Variants in SOX6 observed in about 807,000 individuals in gnomAD.
SOX6 encodes the protein SRY-box transcription factor 6.
A neutral mutation model predicts 97.8 loss-of-function variants in SOX6; 11 were observed. That is an observed-to-expected ratio of 0.11 (90% CI 0.07 to 0.19). SOX6 has a LOEUF of 0.19. Ranked by LOEUF, SOX6 falls within the 10% of genes least tolerant of loss-of-function variation. SOX6 has a pLI of 1.00. For missense variants in SOX6, 810 were observed against 1,039.5 expected (o/e 0.78, Z 3.04); for synonymous variants, 360 against 371.4 (o/e 0.97, Z 0.35).
intron 9 of SOX6, among the ~76,000 whole-genome samples, chr11:16,072,393 A>G (rs1433188757): frequency 6.6e-6 from 1 of 152,162 alleles, no homozygotes; most frequent in East Asian, 1.9e-4. Context: ...GACAAAAACA[A>G]AAAAATAAAT....
intron 6 of SOX6, among the ~76,000 whole-genome samples, chr11:16,145,524 T>G (rs1850268407): frequency 6.6e-6 from 1 of 152,082 alleles, no homozygotes; most frequent in Non-Finnish European, 1.5e-5. Context: ...GAGAAAGAAA[T>G]AAAGGGTATT....
chr11:16,532,744 G>T (rs902268213), intron 4 of SOX6, among the ~76,000 whole-genome samples: 3 of 151,810 alleles, frequency 2.0e-5, no homozygotes. Flanking sequence ...TAATGGCAAG[G>T]TTCAAAAATA....
At chr11:16,491,611 C>A (rs1860511678) in intron 4 of SOX6, among the ~76,000 whole-genome samples, 1 of 151,926 alleles carries the variant, frequency 6.6e-6, no homozygotes, top group African/African-American at 2.4e-5. Context: ...ACAAGAAAAT[C>A]TTGAGCACAA....
intron 12 of SOX6, among the ~76,000 whole-genome samples, chr11:16,020,789 A>G (rs1174583428): frequency 6.6e-6 from 1 of 152,150 alleles, no homozygotes; most frequent in Non-Finnish European, 1.5e-5. Flanking sequence ...CATGTGCACC[A>G]CCAAGTCTCC....
chr11:16,681,050 C>A (rs1427344567), intron 3 of SOX6, among the ~76,000 whole-genome samples: 1 of 152,096 alleles, frequency 6.6e-6, no homozygotes, highest in Non-Finnish European at 1.5e-5. Context: ...GACAGATTAA[C>A]AAGACAGAAG....
intron 1 of SOX6, among the ~76,000 whole-genome samples, chr11:16,378,908 T>C (rs1342593699): frequency 1.3e-5 from 2 of 152,140 alleles, no homozygotes; most frequent in Non-Finnish European, 2.9e-5. Flanking sequence ...TAGAATAATG[T>C]ACAATACTTT....
intron 3 of SOX6, among the ~76,000 whole-genome samples, chr11:16,298,694 T>A (rs964582497): frequency 1.3e-5 from 2 of 152,130 alleles, no homozygotes; most frequent in African/African-American, 4.8e-5. Context: ...AACTCTTATA[T>A]AAAGAATTAG....
At chr11:16,302,965 G>T (rs555306408) in intron 3 of SOX6, among the ~76,000 whole-genome samples, 10 of 146,570 alleles carry the variant, frequency 6.8e-5, no homozygotes, top group African/African-American at 2.4e-4. Context: ...ACTAAATTAT[G>T]AGCTACTAAA....
At chr11:16,105,850 G>T (rs903546259) in intron 7 of SOX6, among the ~76,000 whole-genome samples, 3 of 152,076 alleles carry the variant, frequency 2.0e-5, no homozygotes, top group Admixed American at 6.6e-5. Flanking sequence ...AATAAATTCA[G>T]CAAAGTTGCA....
At chr11:16,702,821 G>T (rs1472773938) in intron 3 of SOX6, among the ~76,000 whole-genome samples, 2 of 151,638 alleles carry the variant, frequency 1.3e-5, no homozygotes, top group Non-Finnish European at 2.9e-5. Context: ...TATGAACAAG[G>T]AAAGAAAAAT....
rs573595253 is a variant in SOX6 at position 16,624,471 on chromosome 11, CG to C, written n.430-12212del. Among the ~76,000 whole-genome samples, 455 of 152,146 alleles carry C rather than the reference CG, an allele frequency of 3.0e-3. 1 individual carries two copies. The highest frequency in any genetic ancestry group is 5.4e-3 in the Non-Finnish European group (366 of 67,988). ...GATTACAGGCATGAGCCACCGTGCC[CG>C]GCCCATTTTTAATTTTGAGTAGTAT... On this transcript the variant is annotated intron_variant and non_coding_transcript_variant, in intron 3 of 5. Transcript: ENST00000524520.
intron 9 of SOX6, among the ~76,000 whole-genome samples, chr11:16,064,181 T>A (rs765612409): frequency 2.0e-5 from 3 of 151,540 alleles, no homozygotes; most frequent in Non-Finnish European, 3.0e-5. Flanking sequence ...CCCTAAAAAA[T>A]TAACCCCACA....
chr11:16,264,669 T>C (rs1263904105), intron 3 of SOX6: 1 of 74,008 alleles, frequency 1.4e-5, no homozygotes, highest in Admixed American at 1.8e-4. Context: ...AGACTTATAA[T>C]AACTTCCATG....
chr11:16,213,376 CCT>C (rs930334763), intron 4 of SOX6, among the ~76,000 whole-genome samples: 2 of 152,004 alleles, frequency 1.3e-5, no homozygotes, highest in African/African-American at 4.8e-5. Context: ...TCTGCCGCAC[CCT>C]GTCTTTCCCT....
At position 16,381,906 on chromosome 11, in the gene SOX6, G is replaced by A. The variant is rs575413834; in HGVS notation, c.-4-40654C>T. Among the ~76,000 whole-genome samples the A allele has an allele frequency of 4.6e-5, 7 of 151,938 alleles. No individual in the cohort carries two copies. In the East Asian group the frequency reaches 1.2e-3, roughly 25 times the overall value. On this transcript the variant is annotated intron_variant, in intron 1 of 15. Coordinates refer to the SOX6 transcript ENST00000396356. The stretch of plus-strand genomic sequence containing the variant: ...ACCTGAGGGTGACACTAAGTTGTAA[G>A]CTATTTCTAAAACAATTTGTTAAGG...
At chr11:16,384,443 C>T (rs80162612) in intron 1 of SOX6, among the ~76,000 whole-genome samples, 2,353 of 151,704 alleles carry the variant, frequency 0.016, 53 homozygotes, top group African/African-American at 0.054. Context: ...AATAAACTCA[C>T]GTGAAAAAGA....
At chr11:16,002,346 G>A (rs1854430831) in intron 13 of SOX6, among the ~76,000 whole-genome samples, 1 of 152,170 alleles carries the variant, frequency 6.6e-6, no homozygotes, top group African/African-American at 2.4e-5. Flanking sequence ...TGATATACCA[G>A]TCTGTATTTT....
chr11:16,570,238 T>G (rs939127562), intron 4 of SOX6, among the ~76,000 whole-genome samples: 1 of 152,326 alleles, frequency 6.6e-6, no homozygotes, highest in East Asian at 1.9e-4. Flanking sequence ...ATTAAATTCA[T>G]TGAGCTCAGA....
intron 3 of SOX6, among the ~76,000 whole-genome samples, chr11:16,693,965 T>G (rs745939666): frequency 6.6e-6 from 1 of 152,214 alleles, no homozygotes; most frequent in African/African-American, 2.4e-5. Flanking sequence ...TCATGTAACA[T>G]TCTATGCTAG....
Sources: gnomAD v4.1 joint callset for allele counts (sites outside exome capture counted in the v4.1 genomes callset) on GRCh38, gnomAD v4.1.1 for gene constraint, MANE v1.5 for transcripts, NCBI Gene and HGNC (gene_info 2026-07-23, HGNC 2026-07-21) for gene names.